Variants in LMO7 observed in about 807,000 individuals in gnomAD.
LMO7 encodes LIM domain only protein 7.
Under a neutral mutation model 206.5 loss-of-function variants are expected in LMO7, and 120 were observed. The observed-to-expected ratio is 0.58, with a 90% CI of 0.50 to 0.68. LMO7 has a LOEUF of 0.68. LMO7 is among the 30% of genes least tolerant of loss of function. The probability of loss-of-function intolerance (pLI) is 0.00; values close to 1 mark genes in which losing one functional copy is unlikely to be tolerated. For missense variants in LMO7, 1,959 were observed against 1,957.9 expected (o/e 1.00, Z -0.01); for synonymous variants, 706 against 681.5 (o/e 1.04, Z -0.56).
intron 12 of LMO7, among the ~76,000 whole-genome samples, chr13:75,818,791 A>G (rs2057305663): frequency 6.6e-6 from 1 of 152,112 alleles, no homozygotes; most frequent in Non-Finnish European, 1.5e-5. Context: ...TTAGGACCCC[A>G]CTGTCTCATG....
intron 11 of LMO7, among the ~76,000 whole-genome samples, chr13:75,815,170 T>C (rs1395584509): frequency 6.6e-6 from 1 of 152,158 alleles, no homozygotes; most frequent in African/African-American, 2.4e-5. Flanking sequence ...GTGATGTGAT[T>C]ATTATAATAA....
intron 3 of LMO7, among the ~76,000 whole-genome samples, chr13:75,746,771 A>C (rs2046877369): frequency 6.6e-6 from 1 of 151,918 alleles, no homozygotes; most frequent in African/African-American, 2.4e-5. Flanking sequence ...ATCTTTTTTT[A>C]ATTCCTGCAA....
At chr13:75,657,972 A>C (rs182302424) in intron 1 of LMO7, among the ~76,000 whole-genome samples, 30 of 151,868 alleles carry the variant, frequency 2.0e-4, no homozygotes, top group African/African-American at 7.3e-4. Flanking sequence ...TTGTAATTTT[A>C]TATTCACATT....
At chr13:75,654,980 C>T (rs1037421912) in intron 1 of LMO7, among the ~76,000 whole-genome samples, 3 of 151,324 alleles carry the variant, frequency 2.0e-5, no homozygotes, top group Admixed American at 2.0e-4. Flanking sequence ...CCTCGATTCT[C>T]CTGCCTCAGC....
At chr13:75,667,088 G>T (rs975866541) in intron 1 of LMO7, among the ~76,000 whole-genome samples, 25 of 152,150 alleles carry the variant, frequency 1.6e-4, no homozygotes, top group African/African-American at 6.0e-4. Context: ...CAGTGGTTAT[G>T]TGCCACTGTT....
Position 75,791,277 on chromosome 13 carries a change from G to T in LMO7, c.318-4124G>T, listed in dbSNP as rs140846292. ...GAGGGATTATTGATTTGATTCTAAA[G>T]AATTCTATTTTATTGCAATTTAAAG... On this transcript the variant is annotated intron_variant, in intron 4 of 30. Coordinates refer to ENST00000377534, the MANE Select transcript of LMO7 (RefSeq NM_001306080.2). Among the ~76,000 whole-genome samples, 46 of 152,126 alleles carry T rather than the reference G, an allele frequency of 3.0e-4. 1 individual carries two copies. The highest frequency in any genetic ancestry group is 6.8e-3 in the Middle Eastern group (2 of 294).
At chr13:75,710,052 G>C (rs1433433330) in intron 1 of LMO7, among the ~76,000 whole-genome samples, 2 of 152,170 alleles carry the variant, frequency 1.3e-5, no homozygotes, top group Admixed American at 6.5e-5. Flanking sequence ...TTATTAAATA[G>C]GGAATCCTTT....
chr13:75,819,372 C>A, intron 12 of LMO7, 21 bp from the exon 13 acceptor site: 1 of 1,581,282 alleles, frequency 6.3e-7, no homozygotes, highest in Non-Finnish European at 8.6e-7. Flanking sequence ...TGTGCCCCTG[C>A]TGATGTGATT....
intron 1 of LMO7, among the ~76,000 whole-genome samples, chr13:75,696,648 T>C (rs2041923620): frequency 6.6e-6 from 1 of 152,092 alleles, no homozygotes; most frequent in Non-Finnish European, 1.5e-5. Context: ...CAGGATTCCT[T>C]AGAGGAAGGC....
At chr13:75,737,791 A>AAC (rs2046021867) in intron 3 of LMO7, among the ~76,000 whole-genome samples, 6 of 133,496 alleles carry the variant, frequency 4.5e-5, no homozygotes, top group Admixed American at 1.5e-4. Context: ...ATAAAAAAAA[A>AAC]AAAAAAAAAA....
At chr13:75,643,295 G>A (rs1235504544) in intron 1 of LMO7, among the ~76,000 whole-genome samples, 3 of 152,168 alleles carry the variant, frequency 2.0e-5, no homozygotes, top group African/African-American at 4.8e-5. Flanking sequence ...AAACACACTA[G>A]CTTTGTGAAT....
chr13:75,668,442 T>A (rs533583200), intron 1 of LMO7, among the ~76,000 whole-genome samples: 1 of 152,302 alleles, frequency 6.6e-6, no homozygotes, highest in South Asian at 2.1e-4. Context: ...TGCCTTACTT[T>A]CCAGTGACTG....
At chr13:75,679,820 A>G (rs1382010675) in intron 1 of LMO7, among the ~76,000 whole-genome samples, 1 of 152,156 alleles carries the variant, frequency 6.6e-6, no homozygotes, top group Non-Finnish European at 1.5e-5. Context: ...GACCCAAGTG[A>G]TCCGCCTGCC....
intron 3 of LMO7, among the ~76,000 whole-genome samples, chr13:75,748,318 G>A (rs1319653542): frequency 6.6e-6 from 1 of 152,176 alleles, no homozygotes; most frequent in African/African-American, 2.4e-5. Flanking sequence ...GAGGTTAAGA[G>A]CACAGATTCA....
At chr13:75,668,396 A>G (rs756210159) in intron 1 of LMO7, among the ~76,000 whole-genome samples, 2 of 151,994 alleles carry the variant, frequency 1.3e-5, no homozygotes, top group African/African-American at 2.4e-5. Context: ...GAGTTTTTAT[A>G]TTTTCTCTCT....
At position 75,804,487 on chromosome 13, in the gene LMO7, A is replaced by G. The variant is rs773114721; in HGVS notation, c.860A>G (p.Asn287Ser). Residue 287 changes from asparagine to serine, a missense_variant, in exon 8 of 31, where the codon AAC (asparagine) becomes AGC (serine). Coordinates refer to ENST00000377534, the MANE Select transcript of LMO7 (RefSeq NM_001306080.2). ...AAAAAGCCAGACAAACATGAGGATA[A>G]CAGAAGAAGTTGGGCAAGCCCGGTT... is the stretch of plus-strand genomic sequence containing the variant. ...RKKKPDKHED[N>S]RRSWASPVYT... 3 of 1,614,184 alleles carry G rather than the reference A, an allele frequency of 1.9e-6. No individual in the cohort carries two copies. Among genetic ancestry groups the G allele is most frequent in the Admixed American group, 1.7e-5 (1 of 60,030 alleles).
chr13:75,753,346 C>T (rs528532642), intron 3 of LMO7, among the ~76,000 whole-genome samples: 6 of 152,170 alleles, frequency 3.9e-5, no homozygotes, highest in African/African-American at 1.4e-4. Context: ...AATATTTTCT[C>T]CCATTCCACA....
upstream of LMO7, among the ~76,000 whole-genome samples, chr13:75,634,054 T>C (rs1024426544): frequency 2.7e-4 from 41 of 149,616 alleles, no homozygotes; most frequent in Admixed American, 1.3e-4. Context: ...TTGTCCAGGA[T>C]GATCTCAAAC....
intron 1 of LMO7, among the ~76,000 whole-genome samples, chr13:75,654,857 T>TTTTTA (rs1378827296): frequency 1.4e-5 from 2 of 148,006 alleles, no homozygotes; most frequent in African/African-American, 5.0e-5. Context: ...ATACAACTAC[T>TTTTTA]TTTTCTTTTC....
Sources: allele counts gnomAD v4.1 joint callset (sites outside exome capture counted in the v4.1 genomes callset), GRCh38; gene constraint gnomAD v4.1.1; transcripts MANE v1.5; gene names NCBI Gene and HGNC (gene_info 2026-07-23, HGNC 2026-07-21).